Variants in PLCG2 observed in about 807,000 individuals in gnomAD.
PLCG2 encodes the protein 1-phosphatidylinositol 4,5-bisphosphate phosphodiesterase gamma-2.
A neutral mutation model predicts 175.6 loss-of-function variants in PLCG2; 69 were observed. The ratio of observed to expected loss-of-function variants is 0.39; its 90% CI spans 0.32 to 0.48. The LOEUF is 0.48. PLCG2 is among the 20% of genes least tolerant of loss of function. The probability of loss-of-function intolerance (pLI) is 0.91; values close to 1 mark genes in which losing one functional copy is unlikely to be tolerated. For synonymous variants in PLCG2, 827 were observed against 624.0 expected (o/e 1.33, Z -4.85); for missense variants, 1,798 against 1,650.9 (o/e 1.09, Z -1.54).
intron 1 of PLCG2, among the ~76,000 whole-genome samples, chr16:81,780,059 C>T (rs960214498): frequency 6.6e-6 from 1 of 152,040 alleles, no homozygotes; most frequent in Admixed American, 6.6e-5. Flanking sequence ...AGACGTGCCC[C>T]GTTTGGACGG....
intron 2 of PLCG2, among the ~76,000 whole-genome samples, chr16:81,828,061 G>T (rs1205552014): frequency 2.1e-4 from 28 of 133,856 alleles, no homozygotes; most frequent in Non-Finnish European, 3.4e-4. Flanking sequence ...TTGCACTCCA[G>T]CCTGCGCAAC....
At chr16:81,822,761 C>CAAAAAAAAAAAA (rs59970301) in intron 2 of PLCG2, among the ~76,000 whole-genome samples, 51 of 69,728 alleles carry the variant, frequency 7.3e-4, no homozygotes, top group African/African-American at 1.5e-3. Context: ...GACTCCATCT[C>CAAAAAAAAAAAA]AAAAAAAAAA....
chr16:81,938,566 T>C, intron 28 of PLCG2: 1 of 548,928 alleles, frequency 1.8e-6, no homozygotes, highest in Non-Finnish European at 3.2e-6. Context: ...GTTTTACCTG[T>C]TGAGTCAGGT....
At chr16:81,939,223 C>T (rs1351554777) in intron 29 of PLCG2, among the ~76,000 whole-genome samples, 1 of 152,104 alleles carries the variant, frequency 6.6e-6, no homozygotes, top group Non-Finnish European at 1.5e-5. Context: ...AGTCAAAGGC[C>T]AAGAGGCAGA....
chr16:81,868,803 C>G (rs1907369676), intron 5 of PLCG2, among the ~76,000 whole-genome samples: 2 of 152,268 alleles, frequency 1.3e-5, no homozygotes, highest in Admixed American at 1.3e-4. Flanking sequence ...TCCTCCATGA[C>G]CATTCCTGAA....
intron 14 of PLCG2, among the ~76,000 whole-genome samples, chr16:81,904,657 GT>G (rs1252389036): frequency 3.3e-4 from 50 of 152,328 alleles, no homozygotes; most frequent in African/African-American, 1.1e-3. Flanking sequence ...AGGTGGTGTT[GT>G]TGTTTATTCA....
chr16:81,746,980 A>G (rs762091727), intron 1 of PLCG2, among the ~76,000 whole-genome samples: 2 of 152,174 alleles, frequency 1.3e-5, no homozygotes, highest in Non-Finnish European at 2.9e-5. Flanking sequence ...CTTGTCACAT[A>G]AAGGGATTCA....
intron 1 of PLCG2, among the ~76,000 whole-genome samples, chr16:81,785,372 T>G (rs1910922595): frequency 6.6e-6 from 1 of 152,106 alleles, no homozygotes; most frequent in Non-Finnish European, 1.5e-5. Flanking sequence ...TTCTCTAGGG[T>G]TTGAACGTGA....
intron 10 of PLCG2, chr16:81,889,494 C>T (rs1908531697): frequency 4.3e-6 from 2 of 462,278 alleles, no homozygotes; most frequent in East Asian, 3.4e-5. Context: ...ATTTTGCCTG[C>T]TGCCTAGACA....
chr16:81,880,801 T>A (rs1908040324), intron 7 of PLCG2, 109 bp from the exon 8 acceptor site: 11 of 915,494 alleles, frequency 1.2e-5, no homozygotes, highest in South Asian at 7.2e-5. Flanking sequence ...TTTTTAATGA[T>A]CTTGTTGCAT....
chr16:81,766,115 G>C (rs1194867404), intron 2 of PLCG2, among the ~76,000 whole-genome samples: 1 of 152,168 alleles, frequency 6.6e-6, no homozygotes, highest in Non-Finnish European at 1.5e-5. Context: ...GTCTCCTGGA[G>C]CTGGTTTGAT....
At chr16:81,800,369 C>T (rs1884764780) in intron 2 of PLCG2, among the ~76,000 whole-genome samples, 1 of 152,164 alleles carries the variant, frequency 6.6e-6, no homozygotes, top group African/African-American at 2.4e-5. Context: ...TCCATCCTTA[C>T]CCTGCTCCCC....
chr16:81,841,939 T>C (rs1905855309), intron 2 of PLCG2, among the ~76,000 whole-genome samples: 1 of 152,202 alleles, frequency 6.6e-6, no homozygotes, highest in Non-Finnish European at 1.5e-5. Flanking sequence ...GGGAAGCTGG[T>C]GTTGCAAGGT....
intron 1 of PLCG2, among the ~76,000 whole-genome samples, chr16:81,780,536 G>A (rs1050545007): frequency 6.6e-6 from 1 of 152,190 alleles, no homozygotes; most frequent in African/African-American, 2.4e-5. Flanking sequence ...GTGCAGTCAC[G>A]TGTATACCAG....
intron 2 of PLCG2, among the ~76,000 whole-genome samples, chr16:81,811,558 C>T (rs1904325140): frequency 6.6e-6 from 1 of 152,074 alleles, no homozygotes; most frequent in Non-Finnish European, 1.5e-5. Flanking sequence ...TGTGGTGTTC[C>T]CCTCCCTGTG....
chr16:81,875,140 T>A (rs1446537489), intron 7 of PLCG2, among the ~76,000 whole-genome samples: 1 of 151,956 alleles, frequency 6.6e-6, no homozygotes, highest in Non-Finnish European at 1.5e-5. Flanking sequence ...ATTTTTGTAT[T>A]TTTAATTGAA....
chr16:81,945,194 T>A (rs572726113), intron 30 of PLCG2, among the ~76,000 whole-genome samples: 1 of 152,236 alleles, frequency 6.6e-6, no homozygotes, highest in South Asian at 2.1e-4. Context: ...ATAAAGCAAC[T>A]GAGAGTATAA....
At chr16:81,864,903 A>C (rs1907154040) in intron 5 of PLCG2, among the ~76,000 whole-genome samples, 1 of 152,158 alleles carries the variant, frequency 6.6e-6, no homozygotes, top group Non-Finnish European at 1.5e-5. Context: ...TTGGTAACTC[A>C]TTCAGGGAAT....
At chr16:81,880,447 C>T (rs751510215) in intron 7 of PLCG2, among the ~76,000 whole-genome samples, 1 of 152,006 alleles carries the variant, frequency 6.6e-6, no homozygotes, top group Non-Finnish European at 1.5e-5. Flanking sequence ...CACACAGGGA[C>T]ACTTAAAAAT....
Sources: allele counts gnomAD v4.1 joint callset (sites outside exome capture counted in the v4.1 genomes callset), GRCh38; gene constraint gnomAD v4.1.1; transcripts MANE v1.5; gene names NCBI Gene and HGNC (gene_info 2026-07-23, HGNC 2026-07-21).